The following PITPNM2 variants were observed in gnomAD, a reference collection of about 807,000 sequenced individuals.
The protein encoded by PITPNM2 is phosphatidylinositol transfer protein membrane associated 2.
In PITPNM2, 35 loss-of-function variants were observed where a neutral mutation model predicts 132.2. That is an observed-to-expected ratio of 0.26 (90% CI 0.20 to 0.35). The LOEUF (loss-of-function observed/expected upper bound fraction) is 0.35, where lower values mean the gene tolerates loss of function less well. Ranked by LOEUF, PITPNM2 falls within the 10% of genes least tolerant of loss-of-function variation. PITPNM2 has a pLI of 1.00. For missense variants in PITPNM2, 1,332 were observed against 1,912.0 expected, an observed-to-expected ratio of 0.70 and a Z score of 5.66; for synonymous variants, 738 against 799.2, an observed-to-expected ratio of 0.92 and a Z score of 1.29.
intron 4 of PITPNM2, among the ~76,000 whole-genome samples, 167 bp from the exon 5 acceptor site, chr12:123,012,901 T>A (rs1314939767): frequency 1.3e-5 from 2 of 152,104 alleles, no homozygotes; most frequent in African/African-American, 4.8e-5. Context: ...GGATCGCCAC[T>A]TTGTCCCAAG....
At chr12:123,123,717 T>C (rs1178813987) in intron 1 of PITPNM2, among the ~76,000 whole-genome samples, 1 of 152,000 alleles carries the variant, frequency 6.6e-6, no homozygotes, top group Non-Finnish European at 1.5e-5. Context: ...GGTGGATCAA[T>C]TGAGGCCAGG....
At position 123,064,114 on chromosome 12, in the gene PITPNM2, T is replaced by G. The variant is rs1291665464; in HGVS notation, c.-95-29429A>C. 6.6e-6 allele frequency among the ~76,000 whole-genome samples: 1 copy of G among 152,182 alleles called. No homozygotes were observed. Among genetic ancestry groups the G allele is most frequent in the Non-Finnish European group, 1.5e-5 (1 of 68,028 alleles). The stretch of plus-strand genomic sequence containing the variant: ...AGTCAGGACTAGGGGAAACAAATCA[T>G]TGATATCATTTTGTCACTATGCATT... On this transcript the variant is annotated intron_variant, in intron 2 of 25. Transcript: ENST00000320201. The surrounding 1 kb of genome is among the most constrained non-coding windows in gnomAD (Gnocchi z 4.0).
At chr12:123,043,389 C>G (rs1486352371) in intron 2 of PITPNM2, among the ~76,000 whole-genome samples, 1 of 152,170 alleles carries the variant, frequency 6.6e-6, no homozygotes, top group East Asian at 1.9e-4. Flanking sequence ...CTCCTACCCC[C>G]ACCCCCCACA....
chr12:123,033,478 G>A (rs896570549), intron 3 of PITPNM2, among the ~76,000 whole-genome samples: 25 of 152,236 alleles, frequency 1.6e-4, no homozygotes, highest in African/African-American at 4.8e-4. Context: ...GACTGGAGGT[G>A]TCTCCTAAGC....
rs1358831042 is a variant in PITPNM2, at chr12:122,987,357, C to T, written c.3337G>A (p.Asp1113Asn). ...GACACGCTAGCGGCAAAGGAACCGT[C>T]GATGCTGAAGACCACGAACTCTGTG... The part of the protein sequence containing the change: ...KGTEFVVFSI[D>N]GSFAASVSIM... The change falls in exon 23 of 26, where the codon GAC becomes AAC. Residue 1113 changes from aspartate to asparagine, a missense_variant. Around this residue, in one of 6 missense-constraint regions of PITPNM2, gnomAD observed 251 missense variants for 472.0 expected, o/e 0.53. Coordinates refer to ENST00000320201, the MANE Select transcript of PITPNM2 (RefSeq NM_020845.3). 1 of 1,613,244 alleles carries T rather than the reference C, an allele frequency of 6.2e-7. No individual in the cohort carries two copies. The highest frequency in any genetic ancestry group is 1.7e-5 in the Admixed American group (1 of 60,032).
chr12:123,038,321 A>G (rs762618183), intron 2 of PITPNM2, among the ~76,000 whole-genome samples: 3 of 152,212 alleles, frequency 2.0e-5, no homozygotes, highest in Non-Finnish European at 2.9e-5. Context: ...GAACTCTAAG[A>G]GTGACACAGA....
At chr12:123,094,793 C>T (rs985410068) in intron 2 of PITPNM2, among the ~76,000 whole-genome samples, 2 of 152,110 alleles carry the variant, frequency 1.3e-5, no homozygotes, top group Admixed American at 6.5e-5. Context: ...ATCTAAGAAT[C>T]GAAGGCCTTG....
intron 2 of PITPNM2, among the ~76,000 whole-genome samples, chr12:123,065,630 G>A (rs1479526324): frequency 6.6e-6 from 1 of 152,256 alleles, no homozygotes; most frequent in East Asian, 1.9e-4. Flanking sequence ...CTTGCAGGAG[G>A]CCAGCAAGCT....
Position 122,992,450 on chromosome 12 carries a change from C to T in PITPNM2, c.2404+49G>A, listed in dbSNP as rs373349196. The T allele has an allele frequency of 8.3e-5, 129 of 1,562,666 alleles. No homozygotes were observed. The Middle Eastern group carries it at 2.1e-3, about 25-fold the overall frequency. On this transcript the variant is annotated intron_variant, in intron 16 of 25. Coordinates refer to ENST00000320201, the MANE Select transcript of PITPNM2 (RefSeq NM_020845.3). The surrounding 1 kb of genome is among the most constrained non-coding windows in gnomAD (Gnocchi z 6.5). ...GGAGGACCTAGGAGCCAGGGAGCCA[C>T]GCTTACCCCACCTTCCCCCAGAGGA...
rs566645369 is a variant in PITPNM2, at chr12:123,075,539, AG to A, written c.-96+34845del. 3 of 152,364 alleles carry A rather than the reference AG, an allele frequency of 2.0e-5. No individual in the cohort carries two copies. In the East Asian group the frequency reaches 5.8e-4, roughly 29 times the overall value. The allele number at this position is 152,364 out of a possible 1,614,324, so 9.4% of individuals were successfully genotyped here. A position where few individuals can be genotyped will look rare whatever the true frequency, so the allele number is the denominator to read the frequency against. On this transcript the variant is annotated intron_variant, in intron 2 of 25. Transcript: ENST00000320201. ...CCCACCACGCCCTTCCCTGAATCCC[AG>A]CGCTCCTGTCAAATTAAAGAAAGAA...
At chr12:123,125,900 C>T (rs1316741616) in intron 1 of PITPNM2, among the ~76,000 whole-genome samples, 3 of 93,244 alleles carry the variant, frequency 3.2e-5, no homozygotes, top group Non-Finnish European at 5.8e-5. Context: ...GATGGAGTCT[C>T]GCACTGTCAC....
chr12:123,074,251 G>A (rs2041707425), intron 2 of PITPNM2, among the ~76,000 whole-genome samples: 1 of 152,336 alleles, frequency 6.6e-6, no homozygotes, highest in East Asian at 1.9e-4. Flanking sequence ...TTGGGAAAGT[G>A]TCTGTGAAGT....
intron 1 of PITPNM2, among the ~76,000 whole-genome samples, chr12:123,133,976 C>T (rs1314639272): frequency 2.0e-5 from 3 of 152,270 alleles, no homozygotes; most frequent in Non-Finnish European, 2.9e-5. Flanking sequence ...CCACCGCATC[C>T]GGCCCCAGCC....
At chr12:123,137,892 C>CAAAAAAAA (rs72436741) in intron 1 of PITPNM2, among the ~76,000 whole-genome samples, 1 of 127,030 alleles carries the variant, frequency 7.9e-6, no homozygotes, top group African/African-American at 3.2e-5. Context: ...GATTCTGTCT[C>CAAAAAAAA]AAAAAAAAAA....
rs1413779368 is a variant in PITPNM2, at chr12:123,000,938, G to A, written c.1154-90C>T. The A allele has an allele frequency of 2.6e-6, 4 of 1,555,072 alleles. No homozygotes were observed. The highest frequency in any genetic ancestry group is 3.5e-6 in the Non-Finnish European group (4 of 1,127,746). ...GCTGCAACTGTGACGAGGGGAGCTT[G>A]GGGGTCCCCAACTCACATGTATGCC... On this transcript the variant is annotated intron_variant, in intron 9 of 25. Coordinates refer to ENST00000320201, the MANE Select transcript of PITPNM2 (RefSeq NM_020845.3). This position sits in a 1 kb window ranked among gnomAD's most constrained non-coding sequence, Gnocchi z 5.4.
chr12:123,040,639 TA>T (rs1356359255), intron 2 of PITPNM2, among the ~76,000 whole-genome samples: 3 of 152,160 alleles, frequency 2.0e-5, no homozygotes, highest in Non-Finnish European at 4.4e-5. Flanking sequence ...TAAATTCAAA[TA>T]ACATTAAATT....
At position 123,005,142 on chromosome 12, in the gene PITPNM2, G is replaced by T; in HGVS notation, c.952+98C>A. Reference sequence around the variant, plus strand: ...TGGGCTTGGTGCCTCAATGTCCATGGGAAAGAACTCTGAGGAGGTGCAGTG... The same window carrying T: ...TGGGCTTGGTGCCTCAATGTCCATGTGAAAGAACTCTGAGGAGGTGCAGTG... On this transcript the variant is annotated intron_variant, in intron 7 of 25. Transcript: ENST00000320201. This position sits in a 1 kb window ranked among gnomAD's most constrained non-coding sequence, Gnocchi z 6.2. The T allele has an allele frequency of 7.1e-7, 1 of 1,412,046 alleles. No homozygotes were observed. The allele number at this position is 1,412,046 out of a possible 1,614,324, so 87.5% of individuals were successfully genotyped here. A position where few individuals can be genotyped will look rare whatever the true frequency, so the allele number is the denominator to read the frequency against.
intron 1 of PITPNM2, among the ~76,000 whole-genome samples, chr12:123,127,317 C>A (rs772497498): frequency 3.3e-5 from 5 of 152,220 alleles, no homozygotes; most frequent in Non-Finnish European, 5.9e-5. Flanking sequence ...GCTGCCTGAA[C>A]TGTCCGGGTG....
chr12:123,056,920 C>G (rs1592979029), intron 2 of PITPNM2, among the ~76,000 whole-genome samples: 1 of 152,292 alleles, frequency 6.6e-6, no homozygotes, highest in East Asian at 1.9e-4. Context: ...GGGAACCAAG[C>G]AGGTGTGAAC....
Sources: allele counts gnomAD v4.1 joint callset (sites outside exome capture counted in the v4.1 genomes callset), GRCh38; gene constraint gnomAD v4.1.1; regional missense constraint gnomAD v4.1.1; non-coding constraint Gnocchi (gnomAD v3.1); transcripts MANE v1.5; gene names NCBI Gene and HGNC (gene_info 2026-07-23, HGNC 2026-07-21).